The following FAM13B variants were observed in gnomAD, a reference collection of about 807,000 sequenced individuals.
FAM13B encodes family with sequence similarity 13 member B.
In FAM13B, 60 loss-of-function variants were observed where a neutral mutation model predicts 117.3. The ratio of observed to expected loss-of-function variants is 0.51; its 90% CI spans 0.42 to 0.63. The LOEUF is 0.63. Ranked by LOEUF, FAM13B falls within the 30% of genes least tolerant of loss-of-function variation. The pLI is 0.00. For synonymous variants in FAM13B, 332 were observed against 356.1 expected (o/e 0.93, Z 0.76); for missense variants, 972 against 1,091.9 (o/e 0.89, Z 1.55).
intron 11 of FAM13B, among the ~76,000 whole-genome samples, chr5:137,961,092 T>A (rs1767986364): frequency 6.6e-6 from 1 of 152,206 alleles, no homozygotes; most frequent in African/African-American, 2.4e-5. Flanking sequence ...ATGAACTAAA[T>A]GCTCTGTTAA....
At chr5:138,000,947 A>C (rs1014562128) in intron 7 of FAM13B, among the ~76,000 whole-genome samples, 15 of 151,562 alleles carry the variant, frequency 9.9e-5, no homozygotes, top group Admixed American at 2.0e-4. Context: ...AAAAAACAAA[A>C]AAAAAAAAAA....
At chr5:138,013,832 C>T (rs1400848285) in intron 4 of FAM13B, among the ~76,000 whole-genome samples, 2 of 152,318 alleles carry the variant, frequency 1.3e-5, no homozygotes, top group Non-Finnish European at 2.9e-5. Context: ...CTAACATTCT[C>T]TCCAGCTCTG....
At chr5:137,968,111 A>T (rs1770663254) in intron 10 of FAM13B, among the ~76,000 whole-genome samples, 1 of 149,528 alleles carries the variant, frequency 6.7e-6, no homozygotes, top group Non-Finnish European at 1.5e-5. Context: ...AATCCCAGCT[A>T]CTCGGGAGGC....
At chr5:137,962,033 G>C (rs1768266207) in intron 11 of FAM13B, among the ~76,000 whole-genome samples, 1 of 152,122 alleles carries the variant, frequency 6.6e-6, no homozygotes, top group Non-Finnish European at 1.5e-5. Flanking sequence ...CATATTTGTT[G>C]AATCAAATAC....
In FAM13B at chr5:137,939,303, T is replaced by C. The variant is rs947166550; in HGVS notation, c.*922A>G. ...GCCCTTGTTAAGAACAGATTTACTT[T>C]AGGCATAATATTTTGCTGATTTAAG... On this transcript the variant is annotated 3_prime_UTR_variant, in exon 24 of 24. Transcript: ENST00000689681. 1.3e-5 allele frequency: 2 copies of C among 152,660 alleles called. No individual in the cohort carries two copies. The highest frequency in any genetic ancestry group is 4.8e-5 in the African/African-American group (2 of 41,470). 9.5% of individuals were successfully genotyped at this position (152,660 alleles called of 1,614,324 possible).
intron 23 of FAM13B, 80 bp downstream of exon 23, chr5:137,941,864 A>C (rs757254828): frequency 3.4e-6 from 4 of 1,177,918 alleles, no homozygotes; most frequent in Non-Finnish European, 3.7e-6. Flanking sequence ...TTCTAATCCC[A>C]CGTATTCCAT....
chr5:138,010,163 TACAG>T (rs1197984631), intron 6 of FAM13B, among the ~76,000 whole-genome samples: 2 of 152,152 alleles, frequency 1.3e-5, no homozygotes, highest in Admixed American at 6.5e-5. Flanking sequence ...ATATTTTTAG[TACAG>T]ACAGTGTTTC....
rs1410776155 is a variant in FAM13B at position 137,939,848 on chromosome 5, A to C, written c.*377T>G. ...GAATTCAGTATGAAGATTTTCCTCC[A>C]ATTTTCTTCAGTAATGAGAAACAAA... On this transcript the variant is annotated 3_prime_UTR_variant, in exon 24 of 24. Transcript: ENST00000689681. 37 of 1,290,554 alleles carry C rather than the reference A, an allele frequency of 2.9e-5. No homozygotes were observed. Among genetic ancestry groups the C allele is most frequent in the Non-Finnish European group, 3.2e-5 (33 of 1,021,056 alleles). 79.9% of individuals were successfully genotyped at this position (1,290,554 alleles called of 1,614,324 possible).
chr5:138,039,411 T>TGTATCA (rs1491106844), intron 1 of FAM13B: 2 of 152,086 alleles, frequency 1.3e-5, no homozygotes, highest in Non-Finnish European at 2.9e-5. Context: ...GGCTCTAGGC[T>TGTATCA]TTTGAGCCTT....
chr5:137,949,660 C>T (rs72801646), intron 17 of FAM13B, among the ~76,000 whole-genome samples: 26,976 of 151,874 alleles, frequency 0.18, 2,511 homozygotes, highest in African/African-American at 0.21. Flanking sequence ...TGTGCCTGTA[C>T]CTGGTGGCAC....
At chr5:137,994,301 A>C (rs1779332710) in intron 7 of FAM13B, among the ~76,000 whole-genome samples, 1 of 152,346 alleles carries the variant, frequency 6.6e-6, no homozygotes, top group East Asian at 1.9e-4. Flanking sequence ...GTTGTCACCC[A>C]CAAGGCTACA....
chr5:138,044,543 C>G (rs1351439872), intron 1 of FAM13B, among the ~76,000 whole-genome samples: 8 of 144,902 alleles, frequency 5.5e-5, no homozygotes, highest in Non-Finnish European at 1.1e-4. Flanking sequence ...CAGAGCAAGA[C>G]TCCATCTCGA....
Position 137,992,914 on chromosome 5 carries a change from CTATTAA to C in FAM13B, c.849-4605_849-4600del, listed in dbSNP as rs557330165. 2.2e-3 allele frequency among the ~76,000 whole-genome samples: 342 copies of C among 152,296 alleles called. 3 individuals carry two copies. Among genetic ancestry groups the C allele is most frequent in the Non-Finnish European group, 3.7e-3 (252 of 68,026 alleles). ...GTGTATAAGAACGTATATAATACTA[CTATTAA>C]TAAGTCACAAAGTAAAAAAATTGAA... On this transcript the variant is annotated intron_variant, in intron 7 of 23. Coordinates refer to ENST00000689681, the MANE Select transcript of FAM13B (RefSeq NM_001385994.1).
At chr5:137,957,272 T>C (rs990657135) in intron 13 of FAM13B, among the ~76,000 whole-genome samples, 9 of 152,118 alleles carry the variant, frequency 5.9e-5, no homozygotes, top group Non-Finnish European at 1.0e-4. Context: ...CCGGGCACGG[T>C]GGCTCACACC....
At chr5:138,004,131 C>T (rs1409919320) in intron 7 of FAM13B, among the ~76,000 whole-genome samples, 5 of 151,820 alleles carry the variant, frequency 3.3e-5, no homozygotes, top group South Asian at 4.2e-4. Context: ...TAGCCAGCCA[C>T]GGTGGTGCGG....
intron 9 of FAM13B, among the ~76,000 whole-genome samples, chr5:137,986,511 T>A (rs1237634479): frequency 2.7e-5 from 4 of 150,114 alleles, no homozygotes; most frequent in Non-Finnish European, 4.4e-5. Context: ...TATCCTGAAA[T>A]ACAGGACTGA....
intron 7 of FAM13B, among the ~76,000 whole-genome samples, chr5:138,004,184 G>A (rs1299839301): frequency 3.3e-5 from 5 of 151,778 alleles, no homozygotes; most frequent in South Asian, 2.1e-4. Flanking sequence ...CCAGAGAATC[G>A]CTTGAACTCA....
At chr5:138,047,458 A>G (rs891627863) in intron 1 of FAM13B, among the ~76,000 whole-genome samples, 3 of 151,608 alleles carry the variant, frequency 2.0e-5, no homozygotes, top group African/African-American at 4.8e-5. Context: ...GTGAGCCGAG[A>G]TCACACCACT....
chr5:137,987,960 A>G (rs1393457312), intron 8 of FAM13B, among the ~76,000 whole-genome samples: 1 of 152,198 alleles, frequency 6.6e-6, no homozygotes, highest in Non-Finnish European at 1.5e-5. Context: ...TACTAACAGC[A>G]AAATGAAAGA....
Sources: gnomAD v4.1 joint callset for allele counts (sites outside exome capture counted in the v4.1 genomes callset) on GRCh38, gnomAD v4.1.1 for gene constraint, MANE v1.5 for transcripts, NCBI Gene and HGNC (gene_info 2026-07-23, HGNC 2026-07-21) for gene names.